The following AJAP1 variants were observed in gnomAD, a reference collection of about 807,000 sequenced individuals.
AJAP1 encodes the protein adherens junctions associated protein 1, also known as adherens junction-associated protein 1.
Under a neutral mutation model 35.0 loss-of-function variants are expected in AJAP1, and 5 were observed. The observed-to-expected ratio is 0.14, with a 90% CI of 0.07 to 0.30. The LOEUF (loss-of-function observed/expected upper bound fraction) is 0.30, where lower values mean the gene tolerates loss of function less well. Ranked by LOEUF, AJAP1 falls within the 10% of genes least tolerant of loss-of-function variation. The pLI is 1.00. For missense variants in AJAP1, 586 were observed against 571.0 expected, an observed-to-expected ratio of 1.03 and a Z score of -0.27; for synonymous variants, 284 against 249.3, an observed-to-expected ratio of 1.14 and a Z score of -1.31.
chr1:4,776,845 C>T (rs961978227), intron 5 of AJAP1, among the ~76,000 whole-genome samples: 3 of 152,202 alleles, frequency 2.0e-5, no homozygotes, highest in African/African-American at 7.2e-5. Context: ...AGCTGACCCC[C>T]TCCCTGTGGC....
intron 2 of AJAP1, among the ~76,000 whole-genome samples, chr1:4,760,822 C>T (rs1641548741): frequency 6.6e-6 from 1 of 152,250 alleles, no homozygotes; most frequent in African/African-American, 2.4e-5. Flanking sequence ...GGCCCGTGAG[C>T]AGAGGCTGCC....
intron 2 of AJAP1, among the ~76,000 whole-genome samples, chr1:4,724,230 G>T (rs1425151246): frequency 6.6e-6 from 1 of 152,120 alleles, no homozygotes; most frequent in Non-Finnish European, 1.5e-5. Flanking sequence ...TGGTGATGGC[G>T]GCCGGGATGA....
In AJAP1 at chr1:4,674,031, C is replaced by A. The variant is rs557083346; in HGVS notation, c.29+18577C>A. On this transcript the variant is annotated intron_variant, in intron 1 of 5. Transcript: ENST00000378191. ...AGGTTTTGCATGAGATAGGCTTATC[C>A]CCCCCGCCACCAAAAAAAAAAAAAA... is the stretch of plus-strand genomic sequence containing the variant. 4.4e-3 allele frequency among the ~76,000 whole-genome samples: 234 copies of A among 53,396 alleles called. 2 individuals carry two copies. Among genetic ancestry groups the A allele is most frequent in the Non-Finnish European group, 5.2e-3 (161 of 30,694 alleles). 35.0% of individuals were successfully genotyped at this position (53,396 alleles called of 152,430 possible). A position where few individuals can be genotyped will look rare whatever the true frequency, so the allele number is the denominator to read the frequency against.
chr1:4,695,617 A>G (rs993284590), intron 1 of AJAP1, among the ~76,000 whole-genome samples: 5 of 152,134 alleles, frequency 3.3e-5, no homozygotes, highest in African/African-American at 1.2e-4. Context: ...TCGAAGGTGG[A>G]AGTCCAGAAT....
chr1:4,657,214 A>G (rs886154876), intron 1 of AJAP1, among the ~76,000 whole-genome samples: 3 of 152,198 alleles, frequency 2.0e-5, no homozygotes, highest in Non-Finnish European at 4.4e-5. Flanking sequence ...ATTTACTAAA[A>G]CAGTTCCTCT....
intron 1 of AJAP1, among the ~76,000 whole-genome samples, chr1:4,675,924 A>C (rs916830510): frequency 1.3e-5 from 2 of 152,132 alleles, no homozygotes; most frequent in African/African-American, 4.8e-5. Flanking sequence ...GGTACGGTGG[A>C]GTTGCTGCAG....
intron 2 of AJAP1, among the ~76,000 whole-genome samples, chr1:4,741,315 T>C (rs1641064085): frequency 1.3e-5 from 2 of 152,100 alleles, no homozygotes; most frequent in African/African-American, 4.8e-5. Flanking sequence ...CAAATCAGAG[T>C]GTGTGCAGGG....
intron 1 of AJAP1, among the ~76,000 whole-genome samples, chr1:4,677,279 C>T (rs191368974): frequency 7.9e-4 from 121 of 152,232 alleles, no homozygotes; most frequent in African/African-American, 2.6e-3. Context: ...AAGGGGGACC[C>T]GCCAGCAGAC....
chr1:4,792,531 A>T lies in AJAP1; in HGVS notation c.*10046A>T, dbSNP rs947862046. On this transcript the variant is annotated 3_prime_UTR_variant, in exon 6 of 6. Coordinates refer to ENST00000378191, the MANE Select transcript of AJAP1 (RefSeq NM_018836.4). ...AAAAAACATAATATGAAAAAAAAAA[A>T]AAAGAAGAGAAAAAAGAATTACCAT... The T allele has an allele frequency of 6.6e-6, 1 of 151,206 alleles. No individual in the cohort carries two copies. Among genetic ancestry groups the T allele is most frequent in the East Asian group, 1.9e-4 (1 of 5,184 alleles). 9.4% of individuals were successfully genotyped at this position (151,206 alleles called of 1,614,324 possible). A position where few individuals can be genotyped will look rare whatever the true frequency, so the allele number is the denominator to read the frequency against.
At chr1:4,727,100 C>T (rs912312989) in intron 2 of AJAP1, among the ~76,000 whole-genome samples, 1 of 152,240 alleles carries the variant, frequency 6.6e-6, no homozygotes, top group African/African-American at 2.4e-5. Context: ...TCTGTTCCGC[C>T]GTGAGTCATC....
At position 4,772,406 on chromosome 1, in the gene AJAP1, G is replaced by A. The variant is rs747096848; in HGVS notation, c.1044G>A (p.Thr348=). Residue 348 remains threonine (T), a synonymous_variant, in exon 4 of 6, where the codon ACG becomes ACA. Coordinates refer to ENST00000378191, the MANE Select transcript of AJAP1 (RefSeq NM_018836.4). ...ARVPSSLDIF[T]AYNETLQCSH... is the part of the protein sequence containing the mutation. ...TGCCCAGCAGCCTGGACATATTCAC[G>A]GCCTATAACGAGACCCTGCAGTGTT... The A allele has an allele frequency of 1.9e-5, 30 of 1,614,094 alleles. No individual in the cohort carries two copies. Among genetic ancestry groups the A allele is most frequent in the African/African-American group, 6.7e-5 (5 of 74,930 alleles).
In AJAP1 at chr1:4,753,625, T is replaced by C. The variant is rs1641366459; in HGVS notation, c.830-16228T>C. Among the ~76,000 whole-genome samples the C allele has an allele frequency of 2.0e-5, 3 of 152,174 alleles. No homozygotes were observed. The South Asian group carries it at 6.2e-4, about 32-fold the overall frequency. On this transcript the variant is annotated intron_variant, in intron 2 of 5. Transcript: ENST00000378191. ...TTCGTTCTTGTCACCCGGGCTGGAG[T>C]GCAATGGCATGATCTCAGCTCACCG...
chr1:4,670,711 C>G (rs1412460480), intron 1 of AJAP1, among the ~76,000 whole-genome samples: 1 of 152,208 alleles, frequency 6.6e-6, no homozygotes, highest in Non-Finnish European at 1.5e-5. Flanking sequence ...CCTCATTGGT[C>G]TCCAGTTTCC....
intron 2 of AJAP1, among the ~76,000 whole-genome samples, chr1:4,751,308 G>T (rs975640811): frequency 6.6e-6 from 1 of 152,158 alleles, no homozygotes; most frequent in Admixed American, 6.5e-5. Flanking sequence ...ACTGACAAAC[G>T]TTCGAATTCC....
rs542000409 is a variant in AJAP1, at chr1:4,781,696, C to T, written c.*60-849C>T. Among the ~76,000 whole-genome samples the T allele has an allele frequency of 3.9e-5, 6 of 152,336 alleles. No individual in the cohort carries two copies. The East Asian group carries it at 1.2e-3, about 29-fold the overall frequency. ...GACAGCAGAGGGACCCAGACAGCAC[C>T]CCATCCCTGTGACGGAGATGCAGCT... On this transcript the variant is annotated intron_variant, in intron 5 of 5. Coordinates refer to ENST00000378191, the MANE Select transcript of AJAP1 (RefSeq NM_018836.4).
At chr1:4,697,736 C>T (rs1570124771) in intron 1 of AJAP1, among the ~76,000 whole-genome samples, 1 of 152,246 alleles carries the variant, frequency 6.6e-6, no homozygotes. Flanking sequence ...GGTGTGCACA[C>T]GTCTAACAAG....
chr1:4,769,778 T>A, intron 2 of AJAP1, 75 bp from the exon 3 acceptor site: 2 of 1,327,116 alleles, frequency 1.5e-6, no homozygotes, highest in Non-Finnish European at 2.2e-6. Context: ...GGGATGCACC[T>A]CCACCTTTCC....
intron 1 of AJAP1, among the ~76,000 whole-genome samples, chr1:4,699,172 G>C (rs972194164): frequency 2.0e-5 from 3 of 152,158 alleles, no homozygotes; most frequent in Non-Finnish European, 4.4e-5. Context: ...GGGCCCGCTG[G>C]GAAGCTGATG....
intron 1 of AJAP1, among the ~76,000 whole-genome samples, chr1:4,657,628 AG>A (rs1377638533): frequency 1.3e-5 from 2 of 148,444 alleles, no homozygotes; most frequent in African/African-American, 5.0e-5. Context: ...TGGTTAGGAC[AG>A]GTAGACACTG....
Sources: allele counts gnomAD v4.1 joint callset (sites outside exome capture counted in the v4.1 genomes callset), GRCh38; gene constraint gnomAD v4.1.1; transcripts MANE v1.5; gene names NCBI Gene and HGNC (gene_info 2026-07-23, HGNC 2026-07-21).